The following UBE2E2 variants were observed in gnomAD, a reference collection of about 807,000 sequenced individuals.
UBE2E2 encodes the protein ubiquitin-conjugating enzyme E2 E2.
UBE2E2 carries 6 observed loss-of-function variants against 24.7 expected under a neutral mutation model. That is an observed-to-expected ratio of 0.24 (90% CI 0.13 to 0.48). The LOEUF is 0.48. Ranked by LOEUF, UBE2E2 falls within the 20% of genes least tolerant of loss-of-function variation. The pLI is 0.99. For synonymous variants in UBE2E2, 104 were observed against 83.6 expected (o/e 1.24, Z -1.33); for missense variants, 169 against 245.0 (o/e 0.69, Z 2.07).
intron 3 of UBE2E2, among the ~76,000 whole-genome samples, chr3:23,358,976 A>C (rs1696040484): frequency 6.6e-6 from 1 of 152,220 alleles, no homozygotes; most frequent in African/African-American, 2.4e-5. Flanking sequence ...TTGAATCCAC[A>C]TGTATGTTCT....
chr3:23,318,204 TC>T (rs937734249), intron 3 of UBE2E2, among the ~76,000 whole-genome samples: 45 of 152,218 alleles, frequency 3.0e-4, no homozygotes, highest in Middle Eastern at 3.4e-3. Context: ...TTGCTCTGTC[TC>T]CCAGGCTGGA....
chr3:23,521,419 C>CA (rs1263579303), intron 4 of UBE2E2, among the ~76,000 whole-genome samples: 5 of 152,218 alleles, frequency 3.3e-5, no homozygotes, highest in Admixed American at 6.5e-5. Context: ...ATGTATGAGA[C>CA]ACTTTTGCAG....
At chr3:23,304,090 G>A (rs759438051) in intron 3 of UBE2E2, among the ~76,000 whole-genome samples, 1 of 152,148 alleles carries the variant, frequency 6.6e-6, no homozygotes, top group African/African-American at 2.4e-5. Flanking sequence ...CCTGCCTGAA[G>A]AATTGGCATT....
At chr3:23,498,307 G>A (rs1009414964) in intron 3 of UBE2E2, among the ~76,000 whole-genome samples, 3 of 152,090 alleles carry the variant, frequency 2.0e-5, no homozygotes, top group Non-Finnish European at 4.4e-5. Flanking sequence ...TTTACTGAGG[G>A]TAAAAATCCA....
intron 3 of UBE2E2, among the ~76,000 whole-genome samples, chr3:23,435,251 G>A (rs1027408923): frequency 6.6e-6 from 1 of 152,218 alleles, no homozygotes; most frequent in Non-Finnish European, 1.5e-5. Context: ...TCAGTCATGA[G>A]TCTAAAACTG....
At chr3:23,490,815 G>A (rs1699479610) in intron 3 of UBE2E2, among the ~76,000 whole-genome samples, 1 of 152,090 alleles carries the variant, frequency 6.6e-6, no homozygotes, top group African/African-American at 2.4e-5. Context: ...TGATAACAAA[G>A]GGTACAGAGT....
intron 3 of UBE2E2, among the ~76,000 whole-genome samples, chr3:23,227,971 C>T (rs1696870165): frequency 6.6e-6 from 1 of 152,070 alleles, no homozygotes; most frequent in South Asian, 2.1e-4. Context: ...GAGGTACAAC[C>T]AATATAGGGC....
At chr3:23,471,898 A>G (rs1699038326) in intron 3 of UBE2E2, among the ~76,000 whole-genome samples, 1 of 152,144 alleles carries the variant, frequency 6.6e-6, no homozygotes, top group Non-Finnish European at 1.5e-5. Flanking sequence ...AGTTGGGAAG[A>G]ACTAGGCTGG....
In UBE2E2 at chr3:23,543,706, TAGAGA is replaced by T. The variant is rs1695450201; in HGVS notation, c.508+11009_508+11013del. 3.3e-5 allele frequency among the ~76,000 whole-genome samples: 5 copies of T among 152,260 alleles called. No homozygotes were observed. The South Asian group carries it at 1.0e-3, about 32-fold the overall frequency. ...ACACCAAAATCCTTTTTCACAGAAT[TAGAGA>T]AGACAGTCCTAAAATTCATATGGAA... On this transcript the variant is annotated intron_variant, in intron 5 of 5. Transcript: ENST00000396703.
At chr3:23,480,829 A>G (rs1418216972) in intron 3 of UBE2E2, among the ~76,000 whole-genome samples, 21 of 152,228 alleles carry the variant, frequency 1.4e-4, no homozygotes, top group Admixed American at 1.2e-3. Context: ...GTAGCAAAAT[A>G]AAAATGAAAC....
intron 3 of UBE2E2, among the ~76,000 whole-genome samples, chr3:23,261,236 C>A (rs1697894350): frequency 6.7e-6 from 1 of 149,618 alleles, no homozygotes; most frequent in African/African-American, 2.5e-5. Context: ...GTATAATATT[C>A]TACTTAGAAA....
At chr3:23,473,647 A>G (rs1481344526) in intron 3 of UBE2E2, among the ~76,000 whole-genome samples, 4 of 152,022 alleles carry the variant, frequency 2.6e-5, no homozygotes, top group Admixed American at 2.0e-4. Flanking sequence ...TTGCATCCTC[A>G]TAGCTTATCT....
At chr3:23,382,941 G>A (rs145921732) in intron 3 of UBE2E2, among the ~76,000 whole-genome samples, 6 of 152,252 alleles carry the variant, frequency 3.9e-5, no homozygotes, top group Non-Finnish European at 5.9e-5. Context: ...GAATAAACAG[G>A]TGTAAACTGT....
At chr3:23,343,820 A>G (rs1326133703) in intron 3 of UBE2E2, among the ~76,000 whole-genome samples, 1 of 152,284 alleles carries the variant, frequency 6.6e-6, no homozygotes, top group African/African-American at 2.4e-5. Flanking sequence ...ATACAGTACT[A>G]CTTTCCTATG....
chr3:23,514,110 CCTTTT>C (rs1311644390), intron 4 of UBE2E2, among the ~76,000 whole-genome samples: 2 of 152,202 alleles, frequency 1.3e-5, no homozygotes, highest in Non-Finnish European at 2.9e-5. Flanking sequence ...TCCTAGGCCT[CCTTTT>C]TGACCTTATG....
At chr3:23,223,882 G>A (rs917354382) in intron 3 of UBE2E2, among the ~76,000 whole-genome samples, 2 of 152,050 alleles carry the variant, frequency 1.3e-5, no homozygotes, top group African/African-American at 4.8e-5. Context: ...AGTTTTCCCA[G>A]CACCATTTAT....
At chr3:23,305,240 A>G (rs1699207880) in intron 3 of UBE2E2, among the ~76,000 whole-genome samples, 1 of 151,556 alleles carries the variant, frequency 6.6e-6, no homozygotes, top group Non-Finnish European at 1.5e-5. Flanking sequence ...GTTTCAATTA[A>G]AAATGGCATT....
At chr3:23,570,392 C>T (rs1696193411) in intron 5 of UBE2E2, among the ~76,000 whole-genome samples, 1 of 152,112 alleles carries the variant, frequency 6.6e-6, no homozygotes, top group South Asian at 2.1e-4. Flanking sequence ...AACCCCCTTG[C>T]CCAGCCCAGC....
At chr3:23,315,712 T>C (rs902571305) in intron 3 of UBE2E2, among the ~76,000 whole-genome samples, 6 of 152,230 alleles carry the variant, frequency 3.9e-5, no homozygotes, top group African/African-American at 1.4e-4. Flanking sequence ...GTATTTATTG[T>C]AGTCTTTGCA....
Sources: gnomAD v4.1 joint callset for allele counts (sites outside exome capture counted in the v4.1 genomes callset) on GRCh38, gnomAD v4.1.1 for gene constraint, MANE v1.5 for transcripts, NCBI Gene and HGNC (gene_info 2026-07-23, HGNC 2026-07-21) for gene names.